CADM1: variants seen among roughly 807,000 people sequenced by gnomAD.
CADM1 encodes the protein TSLC-1.
Under a neutral mutation model 53.1 loss-of-function variants are expected in CADM1, and 15 were observed. That is an observed-to-expected ratio of 0.28 (90% CI 0.19 to 0.44). The LOEUF (loss-of-function observed/expected upper bound fraction) is 0.44. CADM1 is among the 20% of genes least tolerant of loss of function. The probability of loss-of-function intolerance (pLI) is 1.00; values close to 1 mark genes in which losing one functional copy is unlikely to be tolerated. For missense variants in CADM1, 434 were observed against 611.3 expected (o/e 0.71, Z 3.06); for synonymous variants, 281 against 243.0 (o/e 1.16, Z -1.45).
chr11:115,303,546 T>C (rs550874446), intron 1 of CADM1, among the ~76,000 whole-genome samples: 9 of 152,202 alleles, frequency 5.9e-5, no homozygotes, highest in Non-Finnish European at 7.4e-5. Context: ...ATTTGCAAGA[T>C]TGTGTAATTT....
intron 1 of CADM1, among the ~76,000 whole-genome samples, chr11:115,349,208 T>C (rs1945661566): frequency 6.6e-6 from 1 of 152,214 alleles, no homozygotes; most frequent in African/African-American, 2.4e-5. Flanking sequence ...TTAACTTTAA[T>C]GCACATAAAG....
intron 1 of CADM1, among the ~76,000 whole-genome samples, chr11:115,387,003 A>C (rs193178472): frequency 1.3e-5 from 2 of 152,342 alleles, no homozygotes; most frequent in East Asian, 3.9e-4. Context: ...AGTGTATGGA[A>C]GCAGGGAACA....
intron 1 of CADM1, among the ~76,000 whole-genome samples, chr11:115,337,927 T>C (rs1420570440): frequency 1.3e-5 from 2 of 152,200 alleles, no homozygotes; most frequent in Non-Finnish European, 2.9e-5. Flanking sequence ...AGGTTGAATT[T>C]TGACTCCGGC....
chr11:115,245,869 T>G (rs916401897), intron 1 of CADM1, among the ~76,000 whole-genome samples: 1 of 152,248 alleles, frequency 6.6e-6, no homozygotes, highest in Non-Finnish European at 1.5e-5. Flanking sequence ...ATCCTATCTT[T>G]CAATTCATTA....
chr11:115,498,930 G>C (rs145637514), intron 1 of CADM1, among the ~76,000 whole-genome samples: 4 of 152,250 alleles, frequency 2.6e-5, no homozygotes, highest in Admixed American at 1.3e-4. Flanking sequence ...GGGATAGAGC[G>C]ACCAGGGGTG....
At chr11:115,476,359 C>T (rs1475729675) in intron 1 of CADM1, among the ~76,000 whole-genome samples, 1 of 152,138 alleles carries the variant, frequency 6.6e-6, no homozygotes, top group Non-Finnish European at 1.5e-5. Context: ...AGATAATCCA[C>T]GATCATTTCC....
chr11:115,328,899 G>C (rs1366466748), intron 1 of CADM1, among the ~76,000 whole-genome samples: 1 of 148,896 alleles, frequency 6.7e-6, no homozygotes, highest in African/African-American at 2.5e-5. Context: ...TCTGTAGCCG[G>C]ATGAGATTAT....
intron 10 of CADM1, among the ~76,000 whole-genome samples, chr11:115,179,288 A>T (rs1939197012): frequency 6.6e-6 from 1 of 152,248 alleles, no homozygotes; most frequent in Non-Finnish European, 1.5e-5. Context: ...CAAGGATTAT[A>T]AGACTAAAGA....
intron 1 of CADM1, among the ~76,000 whole-genome samples, chr11:115,373,045 G>A (rs544470005): frequency 6.6e-6 from 1 of 152,318 alleles, no homozygotes; most frequent in South Asian, 2.1e-4. Flanking sequence ...ATGCAGAGTT[G>A]CCTTTAAGCA....
At chr11:115,344,605 T>G (rs1288716382) in intron 1 of CADM1, among the ~76,000 whole-genome samples, 1 of 152,128 alleles carries the variant, frequency 6.6e-6, no homozygotes, top group Non-Finnish European at 1.5e-5. Context: ...CCTATAGTAG[T>G]GTACTCCAGG....
chr11:115,331,691 A>T (rs1945132345), intron 1 of CADM1, among the ~76,000 whole-genome samples: 1 of 151,990 alleles, frequency 6.6e-6, no homozygotes, highest in South Asian at 2.1e-4. Context: ...TATGTGCAGA[A>T]AATTTTTATC....
chr11:115,221,989 C>A (rs188898903), intron 5 of CADM1, among the ~76,000 whole-genome samples: 14 of 152,120 alleles, frequency 9.2e-5, no homozygotes, highest in African/African-American at 2.9e-4. Context: ...GGCTTGAGTG[C>A]AAATCTGTTT....
chr11:115,497,785 G>T (rs145295346), intron 1 of CADM1, among the ~76,000 whole-genome samples: 1 of 151,966 alleles, frequency 6.6e-6, no homozygotes, highest in African/African-American at 2.4e-5. Context: ...GCATTCCTTT[G>T]TGCTTTTCTT....
At chr11:115,238,842 GTGTGTA>G (rs1435571517) in intron 2 of CADM1, among the ~76,000 whole-genome samples, 190 bp from the exon 3 acceptor site, 2 of 150,436 alleles carry the variant, frequency 1.3e-5, no homozygotes, top group East Asian at 3.9e-4. Context: ...GTGTGAGTGT[GTGTGTA>G]TGTGTGCGTG....
At chr11:115,233,241 A>T (rs935295993) in intron 3 of CADM1, among the ~76,000 whole-genome samples, 9 of 152,216 alleles carry the variant, frequency 5.9e-5, no homozygotes, top group African/African-American at 2.2e-4. Context: ...TGTGTTGCTA[A>T]TATGATATGG....
At chr11:115,279,936 T>C (rs190444718) in intron 1 of CADM1, among the ~76,000 whole-genome samples, 5 of 152,340 alleles carry the variant, frequency 3.3e-5, no homozygotes, top group Admixed American at 3.3e-4. Flanking sequence ...TACCCTAGGA[T>C]GAGTGCGTGA....
At chr11:115,259,507 T>C (rs1942903413) in intron 1 of CADM1, among the ~76,000 whole-genome samples, 1 of 152,014 alleles carries the variant, frequency 6.6e-6, no homozygotes, top group African/African-American at 2.4e-5. Flanking sequence ...GTTTTCGCCA[T>C]GTTGGCCAGG....
At chr11:115,177,921 C>G (rs1048030763) in intron 11 of CADM1, among the ~76,000 whole-genome samples, 1 of 151,922 alleles carries the variant, frequency 6.6e-6, no homozygotes. Flanking sequence ...GCTCATTGCA[C>G]AGTGCTTGAG....
chr11:115,407,004 T>G (rs1291613079), intron 1 of CADM1, among the ~76,000 whole-genome samples: 1 of 151,738 alleles, frequency 6.6e-6, no homozygotes, highest in African/African-American at 2.4e-5. Context: ...CCCCCACAGT[T>G]GAAGCATGGT....
Sources: gnomAD v4.1 joint callset for allele counts (sites outside exome capture counted in the v4.1 genomes callset) on GRCh38, gnomAD v4.1.1 for gene constraint, MANE v1.5 for transcripts, NCBI Gene and HGNC (gene_info 2026-07-23, HGNC 2026-07-21) for gene names.